The following HADH variants were observed in gnomAD, a reference collection of about 807,000 sequenced individuals.
HADH encodes hydroxyacyl-coenzyme A dehydrogenase, mitochondrial.
HADH carries 24 observed loss-of-function variants against 32.2 expected under a neutral mutation model. That is an observed-to-expected ratio of 0.75 (90% CI 0.54 to 1.05). The LOEUF is 1.05. HADH is among the 50% of genes least tolerant of loss of function. The probability of loss-of-function intolerance (pLI) is 0.00; values close to 1 mark genes in which losing one functional copy is unlikely to be tolerated. For synonymous variants in HADH, 139 were observed against 152.5 expected (o/e 0.91, Z 0.65); for missense variants, 350 against 397.1 (o/e 0.88, Z 1.01).
intron 3 of HADH, among the ~76,000 whole-genome samples, chr4:108,016,985 A>C (rs985234031): frequency 1.3e-5 from 2 of 152,160 alleles, no homozygotes; most frequent in Non-Finnish European, 2.9e-5. Context: ...AACAGATATG[A>C]GGTGTGAAAA....
chr4:108,022,223 GTA>G (rs1213490448), intron 4 of HADH, among the ~76,000 whole-genome samples: 3 of 148,452 alleles, frequency 2.0e-5, no homozygotes, highest in African/African-American at 7.5e-5. Flanking sequence ...GTGTGTGTGT[GTA>G]TAGTTGAATG....
At chr4:107,991,043 A>C (rs1044715645) in intron 1 of HADH, among the ~76,000 whole-genome samples, 1 of 152,164 alleles carries the variant, frequency 6.6e-6, no homozygotes, top group Non-Finnish European at 1.5e-5. Context: ...ACCCAGCCGG[A>C]ACAAGTCTTT....
intron 3 of HADH, among the ~76,000 whole-genome samples, chr4:108,016,583 A>C (rs1214313788): frequency 6.6e-6 from 1 of 152,200 alleles, no homozygotes; most frequent in Admixed American, 6.5e-5. Context: ...TTTGTCAAGC[A>C]GTTTGATCTT....
Position 108,014,530 on chromosome 4 carries a change from G to A in HADH, c.361G>A (p.Val121Met), listed in dbSNP as rs377615662. ...HSTDLVVEAI[V>M]ENLKVKNELF... Reference sequence around the variant, plus strand: ...CACAGACTTGGTGGTGGAAGCCATCGTGGAGAATCTGAAGGTGAAAAACGA... The same window carrying A: ...CACAGACTTGGTGGTGGAAGCCATCATGGAGAATCTGAAGGTGAAAAACGA... The change falls in exon 3 of 8, where the codon GTG becomes ATG. Residue 121 changes from valine (V) to methionine (M), a missense_variant. By Grantham distance (21) the Val-to-Met change is conservative. Transcript: ENST00000309522. 60 of 1,614,008 alleles carry A rather than the reference G, an allele frequency of 3.7e-5. No homozygotes were observed. The highest frequency in any genetic ancestry group is 1.3e-4 in the Admixed American group (8 of 60,006).
Position 108,019,528 on chromosome 4 carries a change from T to G in HADH, c.420-12T>G. On this transcript the variant is annotated splice_polypyrimidine_tract_variant and intron_variant, in intron 3 of 7. Coordinates refer to ENST00000309522, the MANE Select transcript of HADH (RefSeq NM_005327.7). The stretch of plus-strand genomic sequence containing the variant: ...TTCACTCTGATACTCCCACTATATT[T>G]TCTCTTCACAGACATACAATCTTTG... 6.2e-7 allele frequency: 1 copy of G among 1,612,436 alleles called. No homozygotes were observed. Among genetic ancestry groups the G allele is most frequent in the Non-Finnish European group, 8.5e-7 (1 of 1,178,502 alleles).
In HADH at chr4:108,009,573, A is replaced by G. The variant is rs552482232; in HGVS notation, c.133-186A>G. ...GTATTCAATATAAAGGGTTTAGAAC[A>G]GTGCCTGGCAAGAAGTGTGTGTTTA... On this transcript the variant is annotated intron_variant, in intron 1 of 7. Coordinates refer to ENST00000309522, the MANE Select transcript of HADH (RefSeq NM_005327.7). Among the ~76,000 whole-genome samples the G allele has an allele frequency of 2.6e-4, 39 of 152,352 alleles. No individual in the cohort carries two copies. In the South Asian group the frequency reaches 7.9e-3, roughly 31 times the overall value.
At chr4:107,997,862 C>T (rs1735002642) in intron 1 of HADH, among the ~76,000 whole-genome samples, 1 of 152,150 alleles carries the variant, frequency 6.6e-6, no homozygotes, top group African/African-American at 2.4e-5. Flanking sequence ...TTCATTTCTC[C>T]ACTGCCTTCT....
chr4:108,007,280 G>C (rs1735322616), intron 1 of HADH, among the ~76,000 whole-genome samples: 1 of 151,990 alleles, frequency 6.6e-6, no homozygotes, highest in Non-Finnish European at 1.5e-5. Context: ...CTAATTTTTT[G>C]TATTTTTTAA....
chr4:107,999,992 T>C (rs1052988528), intron 1 of HADH, among the ~76,000 whole-genome samples: 4 of 152,256 alleles, frequency 2.6e-5, no homozygotes, highest in African/African-American at 9.6e-5. Context: ...TATGTATACA[T>C]TGTACTGCCT....
intron 1 of HADH, among the ~76,000 whole-genome samples, chr4:108,003,288 T>C (rs1735176918): frequency 1.3e-5 from 2 of 152,154 alleles, no homozygotes; most frequent in Admixed American, 1.3e-4. Flanking sequence ...TGTCTGCACA[T>C]GGCAGAAGGT....
At chr4:108,028,218 G>T in intron 6 of HADH, 1 of 211,532 alleles carries the variant, frequency 4.7e-6, no homozygotes, top group South Asian at 8.7e-5. Context: ...TTAGTAGTCT[G>T]TCCTTACTGA....
chr4:107,990,490 T>C (rs1294445825), intron 1 of HADH, among the ~76,000 whole-genome samples: 2 of 152,238 alleles, frequency 1.3e-5, no homozygotes, highest in Non-Finnish European at 2.9e-5. Flanking sequence ...CTATCAGTTA[T>C]TTTTGATTTT....
chr4:108,026,308 G>T (rs1307868134), intron 5 of HADH: 1 of 152,176 alleles, frequency 6.6e-6, no homozygotes, highest in Non-Finnish European at 1.5e-5. Context: ...CAAAGTGCTG[G>T]GATTACAGGT....
intron 3 of HADH, among the ~76,000 whole-genome samples, chr4:108,015,328 G>A (rs1735655359): frequency 6.6e-6 from 1 of 152,116 alleles, no homozygotes; most frequent in African/African-American, 2.4e-5. Flanking sequence ...CATTCTGACT[G>A]GTATCAGGTG....
intron 1 of HADH, among the ~76,000 whole-genome samples, chr4:108,004,097 T>C (rs62311424): frequency 0.041 from 6,186 of 152,290 alleles, 134 homozygotes; most frequent in Non-Finnish European, 0.057. Context: ...GCAGGCAGCT[T>C]GAGCTCCCTG....
At chr4:108,013,971 C>T (rs1263107382) in intron 2 of HADH, among the ~76,000 whole-genome samples, 2 of 151,898 alleles carry the variant, frequency 1.3e-5, no homozygotes, top group African/African-American at 2.4e-5. Flanking sequence ...AATAAAATGG[C>T]GGCTTATAGA....
intron 3 of HADH, among the ~76,000 whole-genome samples, chr4:108,015,812 A>G (rs957896439): frequency 6.6e-6 from 1 of 152,056 alleles, no homozygotes; most frequent in African/African-American, 2.4e-5. Flanking sequence ...TTCATTTCAC[A>G]CTGGCATCTA....
chr4:108,014,959 A>G (rs1387423648), intron 3 of HADH, among the ~76,000 whole-genome samples: 2 of 152,180 alleles, frequency 1.3e-5, no homozygotes, highest in Non-Finnish European at 2.9e-5. Context: ...TTCAAAAGAC[A>G]TGATTTTATT....
chr4:108,000,351 T>C (rs778230952), intron 1 of HADH, among the ~76,000 whole-genome samples: 1 of 152,268 alleles, frequency 6.6e-6, no homozygotes, highest in African/African-American at 2.4e-5. Context: ...AGCTTTTCTA[T>C]TTCAAGTGTA....
Sources: gnomAD v4.1 joint callset for allele counts (sites outside exome capture counted in the v4.1 genomes callset) on GRCh38, gnomAD v4.1.1 for gene constraint, MANE v1.5 for transcripts, NCBI Gene and HGNC (gene_info 2026-07-23, HGNC 2026-07-21) for gene names.